The following SPMIP2 variants were observed in gnomAD, a reference collection of about 807,000 sequenced individuals.
SPMIP2 encodes sperm microtubule inner protein 2.
chr4:159,011,942 A>G, the SPMIP2 span, among the ~76,000 whole-genome samples: 3 of 151,000 alleles, frequency 2.0e-5, no homozygotes, highest in Non-Finnish European at 3.0e-5. Context: ...GTGCACCTGT[A>G]ATACTTAGGA....
chr4:158,951,886 C>T, the SPMIP2 span, among the ~76,000 whole-genome samples: 1 of 152,188 alleles, frequency 6.6e-6, no homozygotes, highest in Non-Finnish European at 1.5e-5. Context: ...ATTCTCACTA[C>T]AGATGTGAGG....
the SPMIP2 span, among the ~76,000 whole-genome samples, chr4:158,941,846 G>A: frequency 1.1e-4 from 16 of 152,108 alleles, no homozygotes; most frequent in East Asian, 2.3e-3. Context: ...AACCAGCATT[G>A]CTCTATTTTT....
the SPMIP2 span, chr4:158,973,233 T>G: frequency 6.2e-7 from 1 of 1,613,884 alleles, no homozygotes; most frequent in Non-Finnish European, 8.5e-7. Flanking sequence ...TCCAGTTTTT[T>G]CTAACGCCAG....
chr4:159,075,698 T>C, the SPMIP2 span, among the ~76,000 whole-genome samples: 2 of 152,250 alleles, frequency 1.3e-5, no homozygotes, highest in African/African-American at 4.8e-5. Context: ...ACTTCCACTA[T>C]GCATAAATCA....
At chr4:158,927,984 AC>A in the SPMIP2 span, among the ~76,000 whole-genome samples, 1 of 151,576 alleles carries the variant, frequency 6.6e-6, no homozygotes, top group South Asian at 2.1e-4. Context: ...TGAGCTTCCC[AC>A]CCCCTCTGTG....
the SPMIP2 span, among the ~76,000 whole-genome samples, chr4:158,996,683 C>T: frequency 6.6e-6 from 1 of 152,214 alleles, no homozygotes; most frequent in African/African-American, 2.4e-5. Context: ...ACTGCATCCT[C>T]TCCTTACCCC....
At chr4:159,050,817 A>G in the SPMIP2 span, among the ~76,000 whole-genome samples, 4 of 151,834 alleles carry the variant, frequency 2.6e-5, no homozygotes, top group Non-Finnish European at 5.9e-5. Context: ...AAGCTATAAA[A>G]AAAAATCTTG....
chr4:158,919,128 C>A, the SPMIP2 span, among the ~76,000 whole-genome samples: 2 of 152,150 alleles, frequency 1.3e-5, no homozygotes, highest in African/African-American at 4.8e-5. Flanking sequence ...TGACAGGATA[C>A]CTGTCATCCC....
the SPMIP2 span, among the ~76,000 whole-genome samples, chr4:159,063,117 G>A: frequency 2.6e-5 from 4 of 152,248 alleles, no homozygotes; most frequent in East Asian, 7.7e-4. Context: ...AGAATAAGAT[G>A]TTAGGGTGGC....
chr4:158,909,934 CAGG>C, the SPMIP2 span, among the ~76,000 whole-genome samples: 2 of 152,026 alleles, frequency 1.3e-5, no homozygotes, highest in Non-Finnish European at 2.9e-5. Flanking sequence ...CCCAGCTACT[CAGG>C]AGGCTGAGGC....
the SPMIP2 span, among the ~76,000 whole-genome samples, chr4:159,005,356 A>C: frequency 6.6e-6 from 1 of 151,990 alleles, no homozygotes; most frequent in African/African-American, 2.4e-5. Flanking sequence ...GGGCAGGATA[A>C]TTGCTTAAAC....
the SPMIP2 span, among the ~76,000 whole-genome samples, chr4:158,983,720 G>A: frequency 1.3e-5 from 1 of 74,560 alleles, no homozygotes; most frequent in Non-Finnish European, 2.7e-5. Flanking sequence ...TCGAGACTAG[G>A]AAGAAACTGC....
the SPMIP2 span, chr4:159,007,199 A>T: frequency 8.8e-4 from 1,149 of 1,305,548 alleles, 2 homozygotes; most frequent in Non-Finnish European, 1.2e-3. Context: ...CTTTTCCAGG[A>T]GGCTGAGGAA....
the SPMIP2 span, among the ~76,000 whole-genome samples, chr4:159,025,113 C>G: frequency 3.3e-5 from 5 of 152,200 alleles, no homozygotes; most frequent in African/African-American, 1.2e-4. Context: ...CCTTGCTACT[C>G]AAAATGTGGT....
chr4:159,035,301 C>T, the SPMIP2 span: 1 of 534,432 alleles, frequency 1.9e-6, no homozygotes, highest in East Asian at 2.9e-5. Context: ...AGAGCAGAGA[C>T]AGATACTGCT....
chr4:158,962,171 T>A, the SPMIP2 span, among the ~76,000 whole-genome samples: 1 of 152,148 alleles, frequency 6.6e-6, no homozygotes, highest in Non-Finnish European at 1.5e-5. Flanking sequence ...ACTGTTAAAT[T>A]TGAGTTAAAT....
the SPMIP2 span, among the ~76,000 whole-genome samples, chr4:158,972,186 A>AC: frequency 6.6e-6 from 1 of 152,158 alleles, no homozygotes; most frequent in African/African-American, 2.4e-5. Flanking sequence ...GCATGGCGAA[A>AC]CCCCATCTCT....
At chr4:158,899,214 G>T in the SPMIP2 span, among the ~76,000 whole-genome samples, 1 of 152,186 alleles carries the variant, frequency 6.6e-6, no homozygotes, top group African/African-American at 2.4e-5. Flanking sequence ...GATCGTGGTG[G>T]ATAAGCTTTT....
At chr4:158,931,592 G>C in the SPMIP2 span, among the ~76,000 whole-genome samples, 1 of 151,580 alleles carries the variant, frequency 6.6e-6, no homozygotes, top group Admixed American at 6.6e-5. Flanking sequence ...TATTGAGACA[G>C]GGTCTGGCTC....
Sources: allele counts gnomAD v4.1 joint callset (sites outside exome capture counted in the v4.1 genomes callset), GRCh38; gene constraint gnomAD v4.1.1; transcripts MANE v1.5; gene names NCBI Gene and HGNC (gene_info 2026-07-23, HGNC 2026-07-21).